Variants in DNAH14 observed in about 807,000 individuals in gnomAD.
DNAH14 encodes dynein axonemal heavy chain 14, also known as axonemal beta dynein heavy chain 14.
A neutral mutation model predicts 520.9 loss-of-function variants in DNAH14; 478 were observed. That is an observed-to-expected ratio of 0.92 (90% CI 0.85 to 0.99). The LOEUF (loss-of-function observed/expected upper bound fraction) is 0.99. Among genes scored for constraint, DNAH14 ranks in the 50% least tolerant of loss-of-function variants. DNAH14 has a pLI of 0.00. For missense variants in DNAH14, 4,831 were observed against 5,234.5 expected (o/e 0.92, Z 2.38); for synonymous variants, 1,581 against 1,757.2 (o/e 0.90, Z 2.51).
chr1:225,398,568 G>A lies in DNAH14; in HGVS notation c.13540G>A (p.Glu4514Lys), dbSNP rs1403834726. 3.6e-5 allele frequency: 56 copies of A among 1,551,550 alleles called. No homozygotes were observed. The highest frequency in any genetic ancestry group is 4.6e-5 in the Non-Finnish European group (53 of 1,146,982). ...TGVYIFGLFI[E>K]GARWNREQKI... ...AGTTTACATTTTTGGTTTATTCATC[G>A]AGGGGGCAAGATGGAATCGTGAACA... Residue 4514 changes from glutamate (E) to lysine (K), a missense_variant, in exon 85 of 86, where the codon GAG becomes AAG. Glu to Lys is a moderately conservative substitution (Grantham distance 56, BLOSUM62 1). Coordinates refer to ENST00000682510, the MANE Select transcript of DNAH14 (RefSeq NM_001367479.1).
At chr1:225,375,992 G>A (rs1206446000) in intron 78 of DNAH14, among the ~76,000 whole-genome samples, 1 of 151,924 alleles carries the variant, frequency 6.6e-6, no homozygotes, top group African/African-American at 2.4e-5. Flanking sequence ...AGAGGCTGAG[G>A]CCCGAGAATC....
intron 54 of DNAH14, among the ~76,000 whole-genome samples, chr1:225,284,794 A>G (rs545986739): frequency 6.6e-6 from 1 of 152,222 alleles, no homozygotes; most frequent in Non-Finnish European, 1.5e-5. Flanking sequence ...ATCATAAACA[A>G]GTGAGATTTA....
At chr1:225,200,177 C>T (rs778129750) in intron 38 of DNAH14, among the ~76,000 whole-genome samples, 1 of 152,122 alleles carries the variant, frequency 6.6e-6, no homozygotes, top group Non-Finnish European at 1.5e-5. Flanking sequence ...TGTCTATTTG[C>T]ATGGAATGTC....
intron 23 of DNAH14, 95 bp from the exon 24 acceptor site, chr1:225,117,589 T>G: frequency 1.4e-6 from 1 of 713,846 alleles, no homozygotes; most frequent in South Asian, 1.9e-5. Flanking sequence ...ACTAATATTG[T>G]GGCTTTTGTT....
chr1:225,260,993 A>T lies in DNAH14; in HGVS notation c.7157+1740A>T, dbSNP rs180846823. Among the ~76,000 whole-genome samples the T allele has an allele frequency of 1.2e-3, 183 of 152,206 alleles. 2 individuals carry two copies. Among genetic ancestry groups the T allele is most frequent in the Middle Eastern group, 6.8e-3 (2 of 294 alleles). ...TGACATTTTTGTATGTTGAGTTTGT[A>T]TATCTTGCAACTTTATTGCATTCAT... On this transcript the variant is annotated intron_variant, in intron 46 of 85. Coordinates refer to ENST00000682510, the MANE Select transcript of DNAH14 (RefSeq NM_001367479.1).
chr1:225,285,448 C>T lies in DNAH14; in HGVS notation c.8272-4437C>T, dbSNP rs189887288. Among the ~76,000 whole-genome samples the T allele has an allele frequency of 4.6e-5, 7 of 152,036 alleles. No individual in the cohort carries two copies. In the South Asian group the frequency reaches 6.3e-4, roughly 14 times the overall value. The stretch of plus-strand genomic sequence containing the variant: ...CTGTAATCTCAGCTACTCAGGGTGA[C>T]GCAGGAGAATTGCTTGAACCCAGGA... On this transcript the variant is annotated intron_variant, in intron 54 of 85. Transcript: ENST00000682510.
At chr1:225,335,229 A>G (rs1482725149) in intron 66 of DNAH14, among the ~76,000 whole-genome samples, 1 of 133,840 alleles carries the variant, frequency 7.5e-6, no homozygotes. Flanking sequence ...ATATGCACAT[A>G]TACACATGTG....
In DNAH14 at chr1:225,367,901, C is replaced by G; in HGVS notation, c.12187C>G (p.Pro4063Ala). 1 of 1,551,560 alleles carries G rather than the reference C, an allele frequency of 6.4e-7. No individual in the cohort carries two copies. Among genetic ancestry groups the G allele is most frequent in the Non-Finnish European group, 8.7e-7 (1 of 1,146,890 alleles). The stretch of plus-strand genomic sequence containing the variant: ...GGTAACAGAAGAGATATTTGAAAAT[C>G]CTGACTGTGGACAATGGTGGAAAAA... Reference protein sequence around the residue: ...GEVTEEIFENPDCGQWWKKLL... With the variant: ...GEVTEEIFENADCGQWWKKLL... Residue 4063 changes from proline (P) to alanine (A), a missense_variant, in exon 77 of 86, where the codon CCT becomes GCT. Transcript: ENST00000682510.
At position 225,152,865 on chromosome 1, in the gene DNAH14, C is replaced by T. The variant is rs1440432959; in HGVS notation, c.5178C>T (p.Arg1726=). 6.5e-7 allele frequency: 1 copy of T among 1,550,190 alleles called. No individual in the cohort carries two copies. Among genetic ancestry groups the T allele is most frequent in the African/African-American group, 1.4e-5 (1 of 73,096 alleles). ...GKLTNLYELA[R]KQLSQQDHYN... ...TAACTAACCTTTATGAATTAGCGCG[C>T]AAACAGCTCTCACAACAGGTAAATA... Residue 1726 remains arginine (R), a synonymous_variant, in exon 33 of 86, where the codon CGC becomes CGT. Coordinates refer to ENST00000682510, the MANE Select transcript of DNAH14 (RefSeq NM_001367479.1).
Position 225,038,715 on chromosome 1 carries a change from T to C in DNAH14, c.1380T>C (p.Phe460=), listed in dbSNP as rs997196475. The part of the protein sequence containing the change: ...NLIRTFKDNS[F]PTGKTTNDCE... ...CCAGAACATTCAAGGACAACTCTTTTCCTACTGGAAAGACAACAAATGATT... is the reference window on the plus strand; with the variant it reads ...CCAGAACATTCAAGGACAACTCTTTCCCTACTGGAAAGACAACAAATGATT... The change falls in exon 12 of 86, where the codon TTT becomes TTC. Residue 460 remains phenylalanine, a synonymous_variant. Coordinates refer to ENST00000682510, the MANE Select transcript of DNAH14 (RefSeq NM_001367479.1). The C allele has an allele frequency of 3.1e-5, 47 of 1,532,270 alleles. 1 individual carries two copies. In the African/African-American group the frequency reaches 5.0e-4, roughly 16 times the overall value. 94.9% of individuals were successfully genotyped at this position (1,532,270 alleles called of 1,614,324 possible). A position where few individuals can be genotyped will look rare whatever the true frequency, so the allele number is the denominator to read the frequency against.
At chr1:225,213,602 C>A (rs577549571) in intron 41 of DNAH14, among the ~76,000 whole-genome samples, 2 of 152,150 alleles carry the variant, frequency 1.3e-5, no homozygotes, top group African/African-American at 4.8e-5. Flanking sequence ...GTTTCTAATT[C>A]TCCTTGAAGA....
intron 20 of DNAH14, among the ~76,000 whole-genome samples, chr1:225,083,310 T>A (rs111301507): frequency 3.0e-4 from 16 of 52,784 alleles, no homozygotes; most frequent in Non-Finnish European, 1.4e-3. Context: ...ACATATAATG[T>A]AATCAAAACA....
intron 43 of DNAH14, among the ~76,000 whole-genome samples, chr1:225,246,214 A>C (rs542033373): frequency 6.6e-6 from 1 of 152,160 alleles, no homozygotes; most frequent in South Asian, 2.1e-4. Flanking sequence ...CTTACACCTT[A>C]TACAAAAATT....
intron 10 of DNAH14, among the ~76,000 whole-genome samples, chr1:225,021,659 T>C (rs1405998476): frequency 1.3e-5 from 2 of 152,060 alleles, no homozygotes; most frequent in African/African-American, 4.8e-5. Flanking sequence ...GGAAAAACAT[T>C]CCATGCTGAT....
intron 17 of DNAH14, among the ~76,000 whole-genome samples, chr1:225,057,871 C>G (rs1327190645): frequency 3.9e-5 from 6 of 152,158 alleles, no homozygotes; most frequent in African/African-American, 9.7e-5. Flanking sequence ...GCATCCCAGG[C>G]ATGAAGCCCA....
intron 8 of DNAH14, among the ~76,000 whole-genome samples, chr1:224,975,195 G>A (rs1326215449): frequency 6.6e-6 from 1 of 151,748 alleles, no homozygotes; most frequent in South Asian, 2.1e-4. Context: ...CTCTTTTTTT[G>A]TTGTGTCTCT....
chr1:224,943,794 G>A (rs1230929356), intron 1 of DNAH14, among the ~76,000 whole-genome samples: 2 of 152,150 alleles, frequency 1.3e-5, no homozygotes, highest in African/African-American at 2.4e-5. Flanking sequence ...TTTCCATGTG[G>A]TTGAGCGGTT....
intron 12 of DNAH14, among the ~76,000 whole-genome samples, chr1:225,042,351 T>G (rs945556031): frequency 3.3e-5 from 5 of 152,222 alleles, no homozygotes; most frequent in Admixed American, 3.3e-4. Flanking sequence ...CCTAGTGTTT[T>G]TCACTGGAGA....
chr1:225,274,196 TA>T (rs59326818), intron 52 of DNAH14, among the ~76,000 whole-genome samples: 1,472 of 130,534 alleles, frequency 0.011, 245 homozygotes, highest in African/African-American at 0.041. Flanking sequence ...CAGCATCTGT[TA>T]TTTTTTTTTT....
Sources: allele counts gnomAD v4.1 joint callset (sites outside exome capture counted in the v4.1 genomes callset), GRCh38; gene constraint gnomAD v4.1.1; transcripts MANE v1.5; gene names NCBI Gene and HGNC (gene_info 2026-07-23, HGNC 2026-07-21).